The following NAV2 variants were observed in gnomAD, a reference collection of about 807,000 sequenced individuals.
The protein encoded by NAV2 is neuron navigator 2.
Under a neutral mutation model 223.2 loss-of-function variants are expected in NAV2, and 54 were observed. The ratio of observed to expected loss-of-function variants is 0.24; its 90% CI spans 0.19 to 0.30. The LOEUF (loss-of-function observed/expected upper bound fraction) is 0.30. Among genes scored for constraint, NAV2 ranks in the 10% least tolerant of loss-of-function variants. The pLI is 1.00. For missense variants in NAV2, 2,806 were observed against 3,147.5 expected (o/e 0.89, Z 2.60); for synonymous variants, 1,279 against 1,239.3 (o/e 1.03, Z -0.67).
At chr11:19,643,725 A>C (rs369791081) in intron 1 of NAV2, among the ~76,000 whole-genome samples, 15 of 152,324 alleles carry the variant, frequency 9.8e-5, no homozygotes, top group East Asian at 7.7e-4. Context: ...TTCTAGATCC[A>C]TGAGGAATCG....
intron 11 of NAV2, among the ~76,000 whole-genome samples, chr11:19,996,842 G>A (rs1565728667): frequency 2.6e-5 from 4 of 152,330 alleles, no homozygotes; most frequent in South Asian, 4.1e-4. Flanking sequence ...TCTGAAGAGA[G>A]ACCCTGACAT....
intron 1 of NAV2, among the ~76,000 whole-genome samples, chr11:19,732,170 A>G (rs1203840525): frequency 1.3e-5 from 2 of 151,994 alleles, no homozygotes; most frequent in African/African-American, 4.8e-5. Context: ...GAGGCAGGAG[A>G]ATCGCTTGAA....
intron 1 of NAV2, among the ~76,000 whole-genome samples, chr11:19,431,372 C>T (rs1261020448): frequency 6.6e-5 from 10 of 152,046 alleles, no homozygotes; most frequent in African/African-American, 9.7e-5. Context: ...CTTAGTGTGC[C>T]GCAGGAGGAG....
intron 1 of NAV2, among the ~76,000 whole-genome samples, chr11:19,611,194 G>C (rs960788255): frequency 6.6e-6 from 1 of 151,094 alleles, no homozygotes; most frequent in African/African-American, 2.4e-5. Context: ...CATGAGAATA[G>C]CATGGGAAAG....
At chr11:19,608,552 G>A (rs186935023) in intron 1 of NAV2, among the ~76,000 whole-genome samples, 1 of 152,354 alleles carries the variant, frequency 6.6e-6, no homozygotes, top group East Asian at 1.9e-4. Flanking sequence ...GTGGAAACTT[G>A]TCCTGTGTCA....
chr11:19,495,488 T>TA (rs2042764384), intron 1 of NAV2, among the ~76,000 whole-genome samples: 1 of 152,194 alleles, frequency 6.6e-6, no homozygotes, highest in Non-Finnish European at 1.5e-5. Context: ...GCTGGTGACA[T>TA]ACAGCTTACT....
intron 10 of NAV2, among the ~76,000 whole-genome samples, chr11:19,968,703 C>A (rs2048975919): frequency 6.6e-6 from 1 of 152,094 alleles, no homozygotes; most frequent in Admixed American, 6.6e-5. Flanking sequence ...AGTCAGATAC[C>A]CCATTATTTG....
chr11:19,672,627 G>A (rs1300235155), intron 1 of NAV2, among the ~76,000 whole-genome samples: 1 of 152,110 alleles, frequency 6.6e-6, no homozygotes, highest in Non-Finnish European at 1.5e-5. Context: ...AAGGGATGGA[G>A]GGCAGGAGGG....
chr11:19,582,557 G>A (rs548156016), intron 1 of NAV2, among the ~76,000 whole-genome samples: 12 of 152,278 alleles, frequency 7.9e-5, no homozygotes, highest in African/African-American at 2.9e-4. Context: ...GTGTAAGGAA[G>A]GGATCCAGTT....
In NAV2 at chr11:19,352,610, C is replaced by G. The variant is rs546427234; in HGVS notation, c.75+1583C>G. On this transcript the variant is annotated intron_variant, in intron 1 of 37. Transcript: ENST00000360655. ...GCTGACATTCATTTTAACTTGAACT[C>G]TAGCCGTCATGGCGATTATTAAATT... 2.0e-5 allele frequency among the ~76,000 whole-genome samples: 3 copies of G among 152,284 alleles called. No individual in the cohort carries two copies. The South Asian group carries it at 6.2e-4, about 32-fold the overall frequency.
intron 1 of NAV2, among the ~76,000 whole-genome samples, chr11:19,572,834 C>T (rs747792291): frequency 2.6e-4 from 40 of 152,180 alleles, no homozygotes; most frequent in Admixed American, 2.6e-4. Flanking sequence ...TGATAAATGA[C>T]AGGGATTATA....
At chr11:19,771,452 G>C (rs1036028660) in intron 1 of NAV2, among the ~76,000 whole-genome samples, 3 of 152,116 alleles carry the variant, frequency 2.0e-5, no homozygotes, top group Admixed American at 2.0e-4. Context: ...AACCTTCCAT[G>C]CTGAGGGAAC....
intron 1 of NAV2, among the ~76,000 whole-genome samples, chr11:19,416,296 C>A (rs1004618932): frequency 1.3e-5 from 2 of 152,080 alleles, no homozygotes; most frequent in African/African-American, 2.4e-5. Flanking sequence ...TCCTATACAC[C>A]AATAATAGAC....
chr11:19,383,468 A>G (rs1029596750), intron 1 of NAV2, among the ~76,000 whole-genome samples: 2 of 152,184 alleles, frequency 1.3e-5, no homozygotes, highest in African/African-American at 4.8e-5. Flanking sequence ...TTGTTATAGC[A>G]GTCAGTTTCT....
At chr11:20,105,824 A>T in intron 35 of NAV2, 97 bp downstream of exon 35, 1 of 973,620 alleles carries the variant, frequency 1.0e-6, no homozygotes, top group Admixed American at 2.1e-5. Context: ...CACAGTCAGC[A>T]GAAGCTGGAC....
chr11:19,859,847 G>C (rs2061601880), intron 3 of NAV2, among the ~76,000 whole-genome samples: 1 of 147,102 alleles, frequency 6.8e-6, no homozygotes, highest in Non-Finnish European at 1.5e-5. Flanking sequence ...CTCCCGGACG[G>C]GGCGGCTGGC....
chr11:19,761,631 A>G (rs2054747582), intron 1 of NAV2, among the ~76,000 whole-genome samples: 1 of 152,192 alleles, frequency 6.6e-6, no homozygotes, highest in Admixed American at 6.5e-5. Context: ...TGGCTGTTTC[A>G]GCTTTACACC....
At chr11:19,807,943 C>T (rs994470624) in intron 1 of NAV2, among the ~76,000 whole-genome samples, 1 of 152,328 alleles carries the variant, frequency 6.6e-6, no homozygotes, top group Non-Finnish European at 1.5e-5. Context: ...ATTGGTGCCT[C>T]AGCTTAAGCC....
At chr11:19,613,412 C>T (rs1590680578) in intron 1 of NAV2, among the ~76,000 whole-genome samples, 1 of 152,252 alleles carries the variant, frequency 6.6e-6, no homozygotes, top group East Asian at 1.9e-4. Flanking sequence ...ACCACCACTG[C>T]ATCAGGCAGG....
Sources: gnomAD v4.1 joint callset for allele counts (sites outside exome capture counted in the v4.1 genomes callset) on GRCh38, gnomAD v4.1.1 for gene constraint, MANE v1.5 for transcripts, NCBI Gene and HGNC (gene_info 2026-07-23, HGNC 2026-07-21) for gene names.